CACNA1C: variants seen among roughly 807,000 people sequenced by gnomAD.
CACNA1C encodes voltage-dependent L-type calcium channel subunit alpha-1C.
Under a neutral mutation model 229.0 loss-of-function variants are expected in CACNA1C, and 30 were observed. The observed-to-expected ratio is 0.13, with a 90% CI of 0.10 to 0.18. CACNA1C has a LOEUF of 0.18. CACNA1C is among the 10% of genes least tolerant of loss of function. The probability of loss-of-function intolerance (pLI) is 1.00; values close to 1 mark genes in which losing one functional copy is unlikely to be tolerated. For synonymous variants in CACNA1C, 1,114 were observed against 1,132.5 expected (o/e 0.98, Z 0.33); for missense variants, 1,658 against 2,845.0 (o/e 0.58, Z 9.49).
At position 2,410,515 on chromosome 12, in the gene CACNA1C, A is replaced by G. The variant is rs2098794708; in HGVS notation, c.478-38461A>G. Among the ~76,000 whole-genome samples the G allele has an allele frequency of 6.6e-6, 1 of 152,260 alleles. No individual in the cohort carries two copies. ...CAAAGGATGCCAAAACCAAATATTTAAAGTAAATGAGGAAAAAATATGCTT... is the reference window on the plus strand; with the variant it reads ...CAAAGGATGCCAAAACCAAATATTTGAAGTAAATGAGGAAAAAATATGCTT... On this transcript the variant is annotated intron_variant, in intron 3 of 46. Transcript: ENST00000399655. The surrounding 1 kb of genome is among the most constrained non-coding windows in gnomAD (Gnocchi z 5.3).
chr12:2,499,894 C>T (rs980390738), intron 7 of CACNA1C, among the ~76,000 whole-genome samples: 7 of 152,128 alleles, frequency 4.6e-5, no homozygotes, highest in Admixed American at 1.3e-4. Flanking sequence ...CTCCAGGCAT[C>T]GCCCTACTTC....
intron 3 of CACNA1C, among the ~76,000 whole-genome samples, chr12:2,425,976 G>T (rs1459790738): frequency 6.6e-6 from 1 of 152,140 alleles, no homozygotes; most frequent in Non-Finnish European, 1.5e-5. Flanking sequence ...TATTCTTGTT[G>T]GGGGAACAGA....
chr12:2,432,275 GC>G lies in CACNA1C; in HGVS notation c.478-16699del, dbSNP rs543951660. On this transcript the variant is annotated intron_variant, in intron 3 of 46. Transcript: ENST00000399655. ...TAGGGGGCATGTGGTCGGCAAAGAG[GC>G]CAGGAGCAGTTATTGGGAATGAAAG... Among the ~76,000 whole-genome samples, 8 of 152,320 alleles carry G rather than the reference GC, an allele frequency of 5.3e-5. No homozygotes were observed. The East Asian group carries it at 1.5e-3, about 29-fold the overall frequency.
At chr12:2,190,399 G>A (rs537033228) in intron 3 of CACNA1C, among the ~76,000 whole-genome samples, 1 of 152,280 alleles carries the variant, frequency 6.6e-6, no homozygotes, top group East Asian at 1.9e-4. Context: ...CCCTCCATCA[G>A]CCGTTTATCT....
In CACNA1C at chr12:2,346,503, G is replaced by A. The variant is rs567183361; in HGVS notation, c.478-102473G>A. On this transcript the variant is annotated intron_variant, in intron 3 of 46. Coordinates refer to ENST00000399655, the MANE Select transcript of CACNA1C (RefSeq NM_000719.7). This position sits in a 1 kb window ranked among gnomAD's most constrained non-coding sequence, Gnocchi z 4.4. ...GGCTTTGGGACAATGGGCTTGCTAT[G>A]TTTTAAATTTTGGGCCCCAGGAAGA... Among the ~76,000 whole-genome samples, 3 of 152,276 alleles carry A rather than the reference G, an allele frequency of 2.0e-5. No homozygotes were observed. Among genetic ancestry groups the A allele is most frequent in the Non-Finnish European group, 2.9e-5 (2 of 68,028 alleles).
At chr12:2,610,217 C>A (rs556391914) in intron 27 of CACNA1C, among the ~76,000 whole-genome samples, 1 of 152,112 alleles carries the variant, frequency 6.6e-6, no homozygotes, top group African/African-American at 2.4e-5. Flanking sequence ...ACATTCTTAG[C>A]GATGCCGACT....
intron 1 of CACNA1C, among the ~76,000 whole-genome samples, chr12:2,089,412 G>A (rs548935565): frequency 6.6e-6 from 1 of 152,308 alleles, no homozygotes; most frequent in Non-Finnish European, 1.5e-5. Context: ...CACCATGCTG[G>A]ACGCCGTGCG....
At chr12:2,094,298 T>C (rs1270362691) in intron 1 of CACNA1C, among the ~76,000 whole-genome samples, 1 of 152,130 alleles carries the variant, frequency 6.6e-6, no homozygotes, top group Non-Finnish European at 1.5e-5. Context: ...GCACATCCCA[T>C]GCTCAAGGAG....
chr12:2,601,604 G>A lies in CACNA1C; in HGVS notation c.2854-250G>A, dbSNP rs973235227. 6.6e-6 allele frequency among the ~76,000 whole-genome samples: 1 copy of A among 152,196 alleles called. No homozygotes were observed. The highest frequency in any genetic ancestry group is 1.5e-5 in the Non-Finnish European group (1 of 68,036). On this transcript the variant is annotated intron_variant, in intron 21 of 46. Transcript: ENST00000399655. The surrounding 1 kb of genome is among the most constrained non-coding windows in gnomAD (Gnocchi z 5.9). Reference sequence around the variant, plus strand: ...AAAGGGCTTTGAATGGAGGACTAAAGAGCCTGGCTTGGCCTGGCAGGTGCA... The same window carrying A: ...AAAGGGCTTTGAATGGAGGACTAAAAAGCCTGGCTTGGCCTGGCAGGTGCA...
chr12:2,375,057 G>T (rs2098004232), intron 3 of CACNA1C, among the ~76,000 whole-genome samples: 1 of 152,216 alleles, frequency 6.6e-6, no homozygotes, highest in African/African-American at 2.4e-5. Flanking sequence ...CCAGTTTTCA[G>T]ATGGGGAACA....
intron 3 of CACNA1C, among the ~76,000 whole-genome samples, chr12:2,409,556 A>G (rs1019433012): frequency 6.6e-6 from 1 of 152,206 alleles, no homozygotes; most frequent in East Asian, 1.9e-4. Context: ...CTCCTATTTT[A>G]GGTTTCTCAC....
chr12:2,681,249 C>T (rs1244182778), intron 42 of CACNA1C, among the ~76,000 whole-genome samples: 1 of 152,198 alleles, frequency 6.6e-6, no homozygotes, highest in Non-Finnish European at 1.5e-5. Flanking sequence ...GAGGAGACCC[C>T]AGGGGATTTC....
intron 3 of CACNA1C, among the ~76,000 whole-genome samples, chr12:2,420,465 C>T (rs1199609642): frequency 6.6e-6 from 1 of 152,186 alleles, no homozygotes; most frequent in Non-Finnish European, 1.5e-5. Flanking sequence ...CTCCCACTGG[C>T]TTTTCTCCCT....
chr12:2,441,152 G>C (rs1427000270), intron 3 of CACNA1C, among the ~76,000 whole-genome samples: 2 of 152,180 alleles, frequency 1.3e-5, no homozygotes, highest in Non-Finnish European at 2.9e-5. Flanking sequence ...AATTCTGTTT[G>C]GTGGAGAATT....
chr12:2,359,610 G>A (rs1247910313), intron 3 of CACNA1C, among the ~76,000 whole-genome samples: 1 of 151,794 alleles, frequency 6.6e-6, no homozygotes, highest in Non-Finnish European at 1.5e-5. Context: ...AAGACAACTT[G>A]GGGACTGGAG....
At chr12:2,570,625 G>A (rs971736170) in intron 13 of CACNA1C, among the ~76,000 whole-genome samples, 1 of 152,102 alleles carries the variant, frequency 6.6e-6, no homozygotes, top group Non-Finnish European at 1.5e-5. Flanking sequence ...GGAAAAAATC[G>A]AAAAATAAGG....
rs867461749 is a variant in CACNA1C, at chr12:2,649,372, G to A, written c.3945+865G>A. ...GACCAAGCCACCAAGTCTGCAGGCCGAGGCAAGCTTGGGTGGGTTGATGTG... is the reference window on the plus strand; with the variant it reads ...GACCAAGCCACCAAGTCTGCAGGCCAAGGCAAGCTTGGGTGGGTTGATGTG... On this transcript the variant is annotated intron_variant, in intron 31 of 46. Coordinates refer to ENST00000399655, the MANE Select transcript of CACNA1C (RefSeq NM_000719.7). This position sits in a 1 kb window ranked among gnomAD's most constrained non-coding sequence, Gnocchi z 4.4. Among the ~76,000 whole-genome samples, 5 of 152,216 alleles carry A rather than the reference G, an allele frequency of 3.3e-5. No individual in the cohort carries two copies. Among genetic ancestry groups the A allele is most frequent in the East Asian group, 1.9e-4 (1 of 5,190 alleles).
intron 3 of CACNA1C, among the ~76,000 whole-genome samples, chr12:2,127,838 G>A (rs562421371): frequency 2.0e-5 from 3 of 152,262 alleles, no homozygotes; most frequent in South Asian, 2.1e-4. Flanking sequence ...CTCTCTGTTG[G>A]TATCTCTTTT....
At chr12:1,987,633 A>G (rs1018724354) in intron 1 of CACNA1C, among the ~76,000 whole-genome samples, 4 of 152,164 alleles carry the variant, frequency 2.6e-5, no homozygotes, top group Admixed American at 6.6e-5. Context: ...CCTTTCCCAT[A>G]TATCATGTAT....
Sources: gnomAD v4.1 joint callset for allele counts (sites outside exome capture counted in the v4.1 genomes callset) on GRCh38, gnomAD v4.1.1 for gene constraint, Gnocchi (gnomAD v3.1) non-coding constraint, MANE v1.5 for transcripts, NCBI Gene and HGNC (gene_info 2026-07-23, HGNC 2026-07-21) for gene names.